Variants in GPRC5C observed in about 807,000 individuals in gnomAD.
GPRC5C encodes G protein-coupled receptor family C group 5 member C.
GPRC5C carries 22 observed loss-of-function variants against 31.4 expected under a neutral mutation model. That is an observed-to-expected ratio of 0.70 (90% CI 0.50 to 1.00). The LOEUF is 1.00. Ranked by LOEUF, GPRC5C falls within the 50% of genes least tolerant of loss-of-function variation. The pLI, the probability that GPRC5C is intolerant of heterozygous loss-of-function variation, is 0.00. For missense variants in GPRC5C, 557 were observed against 597.2 expected, an observed-to-expected ratio of 0.93 and a Z score of 0.70; for synonymous variants, 249 against 257.5, an observed-to-expected ratio of 0.97 and a Z score of 0.32.
Position 74,447,106 on chromosome 17 carries a change from C to G in GPRC5C, c.*78C>G, listed in dbSNP as rs2055652502. On this transcript the variant is annotated 3_prime_UTR_variant, in exon 4 of 4. Transcript: ENST00000392627. ...GGCCCCGGGCAAGGGACTCTCCAGG[C>G]TCCTCCTCCCCCTGGCAGGCCCAGC... The G allele has an allele frequency of 6.6e-7, 1 of 1,523,498 alleles. No homozygotes were observed. Among genetic ancestry groups the G allele is most frequent in the Non-Finnish European group, 8.8e-7 (1 of 1,134,124 alleles). 94.4% of individuals were successfully genotyped at this position (1,523,498 alleles called of 1,614,324 possible). A position where few individuals can be genotyped will look rare whatever the true frequency, so the allele number is the denominator to read the frequency against.
At chr17:74,448,832 C>T, downstream of GPRC5C, 5 of 1,284,804 alleles carry the variant, frequency 3.9e-6, no homozygotes, top group Non-Finnish European at 5.1e-6. Context: ...GGTAAGCGAA[C>T]TGACCCAGAG....
chr17:74,445,682 G>A (rs1422090498), intron 3 of GPRC5C: 1 of 152,218 alleles, frequency 6.6e-6, no homozygotes, highest in African/African-American at 2.4e-5. Flanking sequence ...TGGGGTCTGG[G>A]AGCTACAGAG....
rs1327517153 is a variant in GPRC5C at position 74,444,650 on chromosome 17, AGT to A, written c.1146+742_1146+743del. On this transcript the variant is annotated intron_variant, in intron 3 of 3. Transcript: ENST00000392627. Reference sequence around the variant, plus strand: ...GAGAGCCGCGGGGCAGGGGGAGGTGAGTGTGGCTGAAGCTTCCAATCCCAGCG... The same window carrying A: ...GAGAGCCGCGGGGCAGGGGGAGGTGAGTGGCTGAAGCTTCCAATCCCAGCG... Among the ~76,000 whole-genome samples the A allele has an allele frequency of 3.3e-5, 5 of 151,960 alleles. No individual in the cohort carries two copies. The East Asian group carries it at 7.7e-4, about 23-fold the overall frequency.
chr17:74,439,623 A>G lies in GPRC5C; in HGVS notation c.-32-122A>G, dbSNP rs556697421. 1.3e-5 allele frequency: 12 copies of G among 889,026 alleles called. No homozygotes were observed. In the South Asian group the frequency reaches 1.8e-4, roughly 13 times the overall value. 55.1% of individuals were successfully genotyped at this position (889,026 alleles called of 1,614,324 possible). A position where few individuals can be genotyped will look rare whatever the true frequency, so the allele number is the denominator to read the frequency against. On this transcript the variant is annotated intron_variant, in intron 1 of 3. Coordinates refer to ENST00000392627, the MANE Select transcript of GPRC5C (RefSeq NM_022036.4). ...TATGTTAAGAAGGATTCTGAGGTCC[A>G]GAGAGCCTCACGGTCAGCAGCTAGC...
At chr17:74,437,820 A>G (rs1216422774) in intron 1 of GPRC5C, among the ~76,000 whole-genome samples, 4 of 151,938 alleles carry the variant, frequency 2.6e-5, no homozygotes, top group Non-Finnish European at 5.9e-5. Flanking sequence ...CACAGAAGAG[A>G]GTTAGATAAT....
intron 3 of GPRC5C, chr17:74,446,594 C>T (rs2055639444): frequency 2.2e-6 from 1 of 450,450 alleles, no homozygotes; most frequent in African/African-American, 2.0e-5. Context: ...GAAGGGGATC[C>T]CCCTCTGTGA....
At chr17:74,435,050 T>G (rs1347698452) in intron 1 of GPRC5C, among the ~76,000 whole-genome samples, 1 of 150,972 alleles carries the variant, frequency 6.6e-6, no homozygotes, top group Non-Finnish European at 1.5e-5. Context: ...AAACCCCGTC[T>G]CTACTAAAAA....
At chr17:74,446,575 G>A (rs2055638877) in intron 3 of GPRC5C, 1 of 402,756 alleles carries the variant, frequency 2.5e-6, no homozygotes, top group South Asian at 5.3e-5. Context: ...GGAAGTAGGA[G>A]GGTCTTGAGA....
Position 74,440,731 on chromosome 17 carries a change from A to G in GPRC5C, c.955A>G (p.Thr319Ala). 1 of 1,594,694 alleles carries G rather than the reference A, an allele frequency of 6.3e-7. No individual in the cohort carries two copies. The highest frequency in any genetic ancestry group is 2.3e-5 in the East Asian group (1 of 44,170). ...AAGCTACCAGGGGGACATGTACCCC[A>G]CCCGGGGCGTGGGCTATGAGACCAT... is the stretch of plus-strand genomic sequence containing the variant. ...EQSYQGDMYP[T>A]RGVGYETILK... The change falls in exon 2 of 4, where the codon ACC becomes GCC. Residue 319 changes from threonine to alanine, a missense_variant. By Grantham distance (58) the Thr-to-Ala change is moderately conservative. Transcript: ENST00000392627. This position sits in a 1 kb window ranked among gnomAD's most constrained non-coding sequence, Gnocchi z 4.4.
chr17:74,450,715 G>A (rs2055706003), downstream of GPRC5C: 1 of 149,662 alleles, frequency 6.7e-6, no homozygotes, highest in Non-Finnish European at 1.5e-5. Context: ...ACCCAGCAAA[G>A]AGGGGGTACC....
intron 2 of GPRC5C, 113 bp from the exon 3 acceptor site, chr17:74,443,705 C>A (rs759962851): frequency 1.1e-6 from 1 of 872,978 alleles, no homozygotes; most frequent in Non-Finnish European, 2.0e-6. Flanking sequence ...CCAGGGTTGG[C>A]CTGCCCCCTT....
chr17:74,438,307 T>C (rs1490734643), intron 1 of GPRC5C, among the ~76,000 whole-genome samples: 1 of 146,866 alleles, frequency 6.8e-6, no homozygotes, highest in Non-Finnish European at 1.5e-5. Context: ...ATTGATCAGG[T>C]TGGAGTGCAG....
At position 74,440,310 on chromosome 17, in the gene GPRC5C, C is replaced by T. The variant is rs1212922909; in HGVS notation, c.534C>T (p.Thr178=). 22 of 1,614,068 alleles carry T rather than the reference C, an allele frequency of 1.4e-5. No individual in the cohort carries two copies. Among genetic ancestry groups the T allele is most frequent in the Non-Finnish European group, 1.9e-5 (22 of 1,180,030 alleles). ...VIINTEWLII[T]LVRGSGEGGP... ...TCAATACAGAGTGGCTGATCATCAC[C>T]CTGGTTCGGGGCAGTGGCGAGGGCG... is the stretch of plus-strand genomic sequence containing the variant. Residue 178 remains threonine, a synonymous_variant, in exon 2 of 4, where the codon ACC becomes ACT. Coordinates refer to ENST00000392627, the MANE Select transcript of GPRC5C (RefSeq NM_022036.4). The surrounding 1 kb of genome is among the most constrained non-coding windows in gnomAD (Gnocchi z 4.4).
chr17:74,442,923 C>G (rs1345102801), intron 2 of GPRC5C, among the ~76,000 whole-genome samples: 3 of 151,934 alleles, frequency 2.0e-5, no homozygotes, highest in Non-Finnish European at 2.9e-5. Context: ...CACTGAATGC[C>G]GGTCGGGGCC....
chr17:74,432,737 A>T (rs2055373908), intron 1 of GPRC5C, among the ~76,000 whole-genome samples: 1 of 150,654 alleles, frequency 6.6e-6, no homozygotes, highest in Admixed American at 6.6e-5. Flanking sequence ...AGGGAGGGGA[A>T]ACCACTCCAT....
At chr17:74,437,580 A>G (rs186047726) in intron 1 of GPRC5C, among the ~76,000 whole-genome samples, 2 of 149,036 alleles carry the variant, frequency 1.3e-5, no homozygotes, top group East Asian at 3.9e-4. Flanking sequence ...TATGAGTTGC[A>G]TTGCCCCTGA....
intron 1 of GPRC5C, among the ~76,000 whole-genome samples, chr17:74,437,777 A>G (rs911807170): frequency 1.3e-5 from 2 of 152,082 alleles, no homozygotes; most frequent in Admixed American, 1.3e-4. Flanking sequence ...CAACCTCACA[A>G]TCCCCCTAAA....
At chr17:74,451,631 C>T (rs1370146397), downstream of GPRC5C, 1 of 152,034 alleles carries the variant, frequency 6.6e-6, no homozygotes, top group African/African-American at 2.4e-5. Context: ...ACCTTACCTT[C>T]CATGGGTGAG....
At position 74,440,734 on chromosome 17, in the gene GPRC5C, C is replaced by G; in HGVS notation, c.958C>G (p.Arg320Gly). The change falls in exon 2 of 4, where the codon CGG becomes GGG. Residue 320 changes from arginine to glycine, a missense_variant. Transcript: ENST00000392627. The surrounding 1 kb of genome is among the most constrained non-coding windows in gnomAD (Gnocchi z 4.4). ...CTACCAGGGGGACATGTACCCCACC[C>G]GGGGCGTGGGCTATGAGACCATCCT... ...QSYQGDMYPT[R>G]GVGYETILKE... 6.3e-7 allele frequency: 1 copy of G among 1,595,198 alleles called. No homozygotes were observed. Among genetic ancestry groups the G allele is most frequent in the Non-Finnish European group, 8.6e-7 (1 of 1,167,084 alleles).
Sources: gnomAD v4.1 joint callset for allele counts (sites outside exome capture counted in the v4.1 genomes callset) on GRCh38, gnomAD v4.1.1 for gene constraint, Gnocchi (gnomAD v3.1) non-coding constraint, MANE v1.5 for transcripts, NCBI Gene and HGNC (gene_info 2026-07-23, HGNC 2026-07-21) for gene names.